RTKN2: variants seen among roughly 807,000 people sequenced by gnomAD.
The protein encoded by RTKN2 is rhotekin 2.
Under a neutral mutation model 71.5 loss-of-function variants are expected in RTKN2, and 69 were observed. The ratio of observed to expected loss-of-function variants is 0.96; its 90% CI spans 0.79 to 1.18. The LOEUF (loss-of-function observed/expected upper bound fraction) is 1.18. RTKN2 is among the 50% of genes most tolerant of loss of function. The pLI is 0.00. For synonymous variants in RTKN2, 236 were observed against 236.5 expected (o/e 1.00, Z 0.02); for missense variants, 724 against 719.7 (o/e 1.01, Z -0.07).
chr10:62,196,799 C>T lies in RTKN2; in HGVS notation c.*1109G>A, dbSNP rs1436629929. 1.0e-6 allele frequency: 1 copy of T among 975,578 alleles called. No homozygotes were observed. The highest frequency in any genetic ancestry group is 6.2e-5 in the Admixed American group (1 of 16,240). The allele number at this position is 975,578 out of a possible 1,614,324, so 60.4% of individuals were successfully genotyped here. A position where few individuals can be genotyped will look rare whatever the true frequency, so the allele number is the denominator to read the frequency against. ...CTGTTCTGCTCTTGTTTACAAAAAG[C>T]ATTATTATAAAAAATGGATTTTTTG... On this transcript the variant is annotated 3_prime_UTR_variant, in exon 12 of 12. Transcript: ENST00000373789.
In RTKN2 at chr10:62,194,973, C is replaced by T. The variant is rs183313252; in HGVS notation, c.*2935G>A. ...TAACAAAACTCAGCAAGAGTTGGCACGCCTGATATTTTTGAAAGACTATTT... is the reference window on the plus strand; with the variant it reads ...TAACAAAACTCAGCAAGAGTTGGCATGCCTGATATTTTTGAAAGACTATTT... On this transcript the variant is annotated 3_prime_UTR_variant, in exon 12 of 12. Transcript: ENST00000373789. 6.5e-4 allele frequency: 640 copies of T among 985,270 alleles called. No individual in the cohort carries two copies. The highest frequency in any genetic ancestry group is 1.5e-3 in the East Asian group (13 of 8,820). The allele number at this position is 985,270 out of a possible 1,614,324, so 61.0% of individuals were successfully genotyped here.
At chr10:62,198,617 G>A (rs550169071) in intron 11 of RTKN2, among the ~76,000 whole-genome samples, 174 bp from the exon 12 acceptor site, 32 of 151,970 alleles carry the variant, frequency 2.1e-4, no homozygotes, top group African/African-American at 6.8e-4. Context: ...AAGATCATGC[G>A]CTGCACTAAT....
At chr10:62,215,159 A>T in intron 9 of RTKN2, 1 of 986,952 alleles carries the variant, frequency 1.0e-6, no homozygotes, top group Admixed American at 3.0e-5. Flanking sequence ...TATAAAATAT[A>T]AGAAAAAAAT....
At position 62,196,522 on chromosome 10, in the gene RTKN2, C is replaced by A. The variant is rs1841334941; in HGVS notation, c.*1386G>T. On this transcript the variant is annotated 3_prime_UTR_variant, in exon 12 of 12. Transcript: ENST00000373789. Reference sequence around the variant, plus strand: ...CCCGCTATCTGAAAATAATGAAAGGCTCCATTTAAATTAATGTGGTTTTTT... The same window carrying A: ...CCCGCTATCTGAAAATAATGAAAGGATCCATTTAAATTAATGTGGTTTTTT... The A allele has an allele frequency of 1.0e-6, 1 of 985,168 alleles. No individual in the cohort carries two copies. Among genetic ancestry groups the A allele is most frequent in the Non-Finnish European group, 1.2e-6 (1 of 829,852 alleles). The allele number at this position is 985,168 out of a possible 1,614,324, so 61.0% of individuals were successfully genotyped here.
downstream of RTKN2, among the ~76,000 whole-genome samples, chr10:62,189,814 G>T (rs998630400): frequency 5.3e-5 from 8 of 150,306 alleles, no homozygotes; most frequent in East Asian, 1.4e-3. Context: ...GGGCAACAGA[G>T]ATTTTTTTTT....
In RTKN2 at chr10:62,236,071, A is replaced by G. The variant is rs964868943; in HGVS notation, c.681T>C (p.Ala227=). 3 of 1,607,632 alleles carry G rather than the reference A, an allele frequency of 1.9e-6. No homozygotes were observed. In the African/African-American group the frequency reaches 4.0e-5, roughly 22 times the overall value. The change falls in exon 6 of 12, where the codon GCT becomes GCC. Residue 227 remains alanine (A), a synonymous_variant. Transcript: ENST00000373789. The part of the protein sequence containing the change: ...DDEMCLLLSS[A]VFGVKYNLLA... Reference sequence around the variant, plus strand: ...ATACAGTATTAAAAACTTACAAAACAGCAGAGCTGAGGAGCAAGCACATTT... The same window carrying G: ...ATACAGTATTAAAAACTTACAAAACGGCAGAGCTGAGGAGCAAGCACATTT...
At chr10:62,189,467 C>G (rs1175001365), downstream of RTKN2, among the ~76,000 whole-genome samples, 1 of 152,152 alleles carries the variant, frequency 6.6e-6, no homozygotes, top group East Asian at 1.9e-4. Context: ...CTGAGGACCC[C>G]TGAGTTTTCC....
rs2132776378 is a variant in RTKN2, at chr10:62,194,993, C to G, written c.*2915G>C. 2 of 985,332 alleles carry G rather than the reference C, an allele frequency of 2.0e-6. No individual in the cohort carries two copies. Among genetic ancestry groups the G allele is most frequent in the East Asian group, 1.1e-4 (1 of 8,808 alleles). 61.0% of individuals were successfully genotyped at this position (985,332 alleles called of 1,614,324 possible). On this transcript the variant is annotated 3_prime_UTR_variant, in exon 12 of 12. Coordinates refer to ENST00000373789, the MANE Select transcript of RTKN2 (RefSeq NM_145307.4). ...TGGCACGCCTGATATTTTTGAAAGA[C>G]TATTTACCTTAGGAGGTGTGCATTT...
intron 7 of RTKN2, among the ~76,000 whole-genome samples, chr10:62,221,983 A>C (rs1841918372): frequency 6.6e-6 from 1 of 152,228 alleles, no homozygotes; most frequent in Non-Finnish European, 1.5e-5. Context: ...AAACTGACCC[A>C]AGAAATAGAA....
At chr10:62,209,785 G>A (rs548751074) in intron 9 of RTKN2, among the ~76,000 whole-genome samples, 1 of 152,210 alleles carries the variant, frequency 6.6e-6, no homozygotes, top group African/African-American at 2.4e-5. Flanking sequence ...TCCTTGCAAA[G>A]GACATGATCT....
At chr10:62,188,799 G>C (rs1564493236), downstream of RTKN2, among the ~76,000 whole-genome samples, 2 of 151,644 alleles carry the variant, frequency 1.3e-5, no homozygotes, top group African/African-American at 4.8e-5. Flanking sequence ...CCAGGCTGGA[G>C]TGCAGTGACG....
At chr10:62,208,792 G>A (rs1841599258) in intron 9 of RTKN2, among the ~76,000 whole-genome samples, 1 of 152,136 alleles carries the variant, frequency 6.6e-6, no homozygotes, top group Non-Finnish European at 1.5e-5. Context: ...TATAACGAAT[G>A]TAAAAATACT....
In RTKN2 at chr10:62,198,098, G is replaced by A. The variant is rs1489566171; in HGVS notation, c.1640C>T (p.Thr547Ile). ...TGGTTTCTGTAAGTGATGCATTAGAGTTGATAGTTTGGTATCCAAAGACGA... is the reference window on the plus strand; with the variant it reads ...TGGTTTCTGTAAGTGATGCATTAGAATTGATAGTTTGGTATCCAAAGACGA... ...QTSSLDTKLS[T>I]LMHHLQKPMA... The change falls in exon 12 of 12, where the codon ACT becomes ATT. Residue 547 changes from threonine to isoleucine, a missense_variant. By Grantham distance (89) the Thr-to-Ile change is moderately conservative. Transcript: ENST00000373789. The A allele has an allele frequency of 6.2e-7, 1 of 1,614,112 alleles. No individual in the cohort carries two copies. The highest frequency in any genetic ancestry group is 8.5e-7 in the Non-Finnish European group (1 of 1,179,984).
intron 11 of RTKN2, among the ~76,000 whole-genome samples, chr10:62,199,185 A>C (rs936372233): frequency 2.0e-5 from 3 of 152,260 alleles, no homozygotes; most frequent in Non-Finnish European, 4.4e-5. Flanking sequence ...AACAGAATTT[A>C]GACTGACTTG....
At chr10:62,187,608 C>T (rs1841157244) in intron 8 of RTKN2, among the ~76,000 whole-genome samples, 1 of 152,150 alleles carries the variant, frequency 6.6e-6, no homozygotes, top group South Asian at 2.1e-4. Context: ...ACATTAGTGA[C>T]CTGGATATAT....
intron 7 of RTKN2, among the ~76,000 whole-genome samples, chr10:62,221,910 A>G (rs570607646): frequency 6.6e-6 from 1 of 152,336 alleles, no homozygotes; most frequent in South Asian, 2.1e-4. Flanking sequence ...TAGAAAATTT[A>G]ATGCCTATAA....
intron 10 of RTKN2, among the ~76,000 whole-genome samples, chr10:62,204,552 A>C (rs939029176): frequency 6.6e-6 from 1 of 152,168 alleles, no homozygotes; most frequent in African/African-American, 2.4e-5. Flanking sequence ...TGGATCAAAC[A>C]CATTGCCTTC....
intron 6 of RTKN2, among the ~76,000 whole-genome samples, chr10:62,232,281 A>G (rs912230585): frequency 2.6e-5 from 4 of 151,666 alleles, no homozygotes; most frequent in Non-Finnish European, 5.9e-5. Context: ...TAGGCTTCAA[A>G]AAGAAATATA....
intron 8 of RTKN2, among the ~76,000 whole-genome samples, chr10:62,187,356 A>C (rs192363676): frequency 6.6e-6 from 1 of 152,036 alleles, no homozygotes; most frequent in African/African-American, 2.4e-5. Flanking sequence ...CAGGGACTCC[A>C]TTCAAAGTCC....
Sources: gnomAD v4.1 joint callset for allele counts (sites outside exome capture counted in the v4.1 genomes callset) on GRCh38, gnomAD v4.1.1 for gene constraint, MANE v1.5 for transcripts, NCBI Gene and HGNC (gene_info 2026-07-23, HGNC 2026-07-21) for gene names.